TBXAS1: variants seen among roughly 807,000 people sequenced by gnomAD.
The protein encoded by TBXAS1 is thromboxane A synthase 1.
TBXAS1 carries 48 observed loss-of-function variants against 60.7 expected under a neutral mutation model. The ratio of observed to expected loss-of-function variants is 0.79; its 90% CI spans 0.63 to 1.01. TBXAS1 has a LOEUF of 1.01. Among genes scored for constraint, TBXAS1 ranks in the 50% least tolerant of loss-of-function variants. TBXAS1 has a pLI of 0.00. For synonymous variants in TBXAS1, 287 were observed against 269.7 expected, an observed-to-expected ratio of 1.06 and a Z score of -0.63; for missense variants, 685 against 686.3, an observed-to-expected ratio of 1.00 and a Z score of 0.02.
At chr7:139,910,219 G>A (rs980259446) in intron 3 of TBXAS1, among the ~76,000 whole-genome samples, 1 of 152,044 alleles carries the variant, frequency 6.6e-6, no homozygotes, top group Non-Finnish European at 1.5e-5. Context: ...ATTTGCTTTC[G>A]TGCCCCCAGT....
At position 140,004,461 on chromosome 7, in the gene TBXAS1, T is replaced by C. The variant is rs1038905048; in HGVS notation, c.1135-2630T>C. ...TGTAAATTTCAGAGCGTTTAACTTA[T>C]ATGCAGAACCACTGAAATTACACAA... On this transcript the variant is annotated intron_variant, in intron 9 of 12. Coordinates refer to ENST00000448866, the MANE Select transcript of TBXAS1 (RefSeq NM_001061.7). This position sits in a 1 kb window ranked among gnomAD's most constrained non-coding sequence, Gnocchi z 5.1. 6.6e-6 allele frequency among the ~76,000 whole-genome samples: 1 copy of C among 152,248 alleles called. No individual in the cohort carries two copies. Among genetic ancestry groups the C allele is most frequent in the African/African-American group, 2.4e-5 (1 of 41,470 alleles).
chr7:139,958,691 C>T (rs1008703874), intron 8 of TBXAS1, among the ~76,000 whole-genome samples: 3 of 152,216 alleles, frequency 2.0e-5, no homozygotes, highest in South Asian at 2.1e-4. Flanking sequence ...GGGCAGCAGC[C>T]GCGTCCTGTG....
intron 9 of TBXAS1, among the ~76,000 whole-genome samples, chr7:139,987,312 A>AG (rs1004218999): frequency 3.3e-5 from 5 of 152,180 alleles, no homozygotes; most frequent in Non-Finnish European, 7.4e-5. Flanking sequence ...CCAGAGCCCC[A>AG]GGGTCCCGGG....
intron 1 of TBXAS1, among the ~76,000 whole-genome samples, chr7:139,867,303 C>G (rs1218603031): frequency 6.6e-6 from 1 of 152,210 alleles, no homozygotes; most frequent in Non-Finnish European, 1.5e-5. Context: ...TTGGTAGTGA[C>G]AGTGAGGATG....
At chr7:139,908,583 A>T (rs186831469) in intron 3 of TBXAS1, among the ~76,000 whole-genome samples, 24 of 152,306 alleles carry the variant, frequency 1.6e-4, no homozygotes, top group Non-Finnish European at 3.2e-4. Flanking sequence ...ATATGTAGAA[A>T]TCTTACTTCC....
At position 139,813,074 on chromosome 7, in the gene TBXAS1, TAAATAAAA is replaced by T. The variant is rs1798058018; in HGVS notation, c.-79-16237_-79-16230del. 4.9e-5 allele frequency among the ~76,000 whole-genome samples: 7 copies of T among 142,952 alleles called. No homozygotes were observed. The South Asian group carries it at 1.6e-3, about 33-fold the overall frequency. 93.8% of individuals were successfully genotyped at this position (142,952 alleles called of 152,430 possible). ...TCGGTCTCAAATAAATAAAATAAAA[TAAATAAAA>T]TAAAATAAAATAAAATAAAATAAAA... On this transcript the variant is annotated intron_variant, in intron 4 of 16. Transcript: ENST00000336425.
At position 140,007,177 on chromosome 7, in the gene TBXAS1, T is replaced by A; in HGVS notation, c.1221T>A (p.Ala407=). 1.2e-6 allele frequency: 2 copies of A among 1,614,124 alleles called. No individual in the cohort carries two copies. Among genetic ancestry groups the A allele is most frequent in the Non-Finnish European group, 1.7e-6 (2 of 1,180,004 alleles). The part of the protein sequence containing the change: ...IAETLRMYPP[A]FRFTREAAQD... ...AGACGCTGAGGATGTACCCGCCAGC[T>A]TTCAGGTGTGTGGTAGCCCCCTCCC... The change falls in exon 10 of 13, where the codon GCT becomes GCA. Residue 407 remains alanine (A), a synonymous_variant. Transcript: ENST00000448866.
intron 3 of TBXAS1, among the ~76,000 whole-genome samples, chr7:139,901,640 G>T (rs1056229647): frequency 1.3e-5 from 2 of 152,028 alleles, no homozygotes; most frequent in East Asian, 3.9e-4. Context: ...CTGGGAGCTT[G>T]TTAAAATAGG....
At chr7:139,894,300 T>G (rs1803904275) in intron 3 of TBXAS1, among the ~76,000 whole-genome samples, 1 of 152,124 alleles carries the variant, frequency 6.6e-6, no homozygotes, top group African/African-American at 2.4e-5. Context: ...TAGGAAAGTG[T>G]GCAGAAGATG....
chr7:139,898,699 G>A lies in TBXAS1; in HGVS notation c.237-12526G>A, dbSNP rs376653104. Among the ~76,000 whole-genome samples, 6 of 152,228 alleles carry A rather than the reference G, an allele frequency of 3.9e-5. No homozygotes were observed. In the East Asian group the frequency reaches 1.2e-3, roughly 29 times the overall value. ...TGATGCCCCGTTGGGGCACTTCCTCGCTCAGCTTCCTCGTCCCTGACAAAG... is the reference window on the plus strand; with the variant it reads ...TGATGCCCCGTTGGGGCACTTCCTCACTCAGCTTCCTCGTCCCTGACAAAG... On this transcript the variant is annotated intron_variant, in intron 3 of 12. Transcript: ENST00000448866.
At chr7:139,863,922 A>G (rs2116738494) in intron 1 of TBXAS1, among the ~76,000 whole-genome samples, 1 of 152,314 alleles carries the variant, frequency 6.6e-6, no homozygotes, top group African/African-American at 2.4e-5. Flanking sequence ...AGAAGGAAAT[A>G]TCTTCAACCC....
chr7:139,905,805 T>C (rs945592562), intron 3 of TBXAS1, among the ~76,000 whole-genome samples: 2 of 152,200 alleles, frequency 1.3e-5, no homozygotes, highest in Admixed American at 1.3e-4. Context: ...TGTCTTTTCA[T>C]CTTCTTAACA....
At chr7:139,783,655 A>G (rs1797071692) in intron 3 of TBXAS1, among the ~76,000 whole-genome samples, 1 of 152,170 alleles carries the variant, frequency 6.6e-6, no homozygotes, top group Non-Finnish European at 1.5e-5. Flanking sequence ...AGCTCTTTTA[A>G]AAGCCTGCAG....
intron 4 of TBXAS1, among the ~76,000 whole-genome samples, chr7:139,810,691 C>G (rs1401415899): frequency 6.6e-6 from 1 of 152,150 alleles, no homozygotes; most frequent in Non-Finnish European, 1.5e-5. Context: ...ACTAAGAAGA[C>G]GTAGCAGTGC....
At chr7:139,859,293 G>A (rs761676657) in intron 1 of TBXAS1, among the ~76,000 whole-genome samples, 2 of 144,994 alleles carry the variant, frequency 1.4e-5, no homozygotes, top group East Asian at 2.1e-4. Flanking sequence ...TGCAAGCTCC[G>A]CCTCCCGGGT....
intron 3 of TBXAS1, among the ~76,000 whole-genome samples, chr7:139,889,186 G>A (rs1803354335): frequency 6.6e-6 from 1 of 151,900 alleles, no homozygotes; most frequent in South Asian, 2.1e-4. Flanking sequence ...ACCAAAATTA[G>A]CTGGGTGTGG....
In TBXAS1 at chr7:139,896,291, G is replaced by A. The variant is rs8192821; in HGVS notation, c.237-14934G>A. 6.0e-4 allele frequency among the ~76,000 whole-genome samples: 92 copies of A among 152,312 alleles called. 3 individuals are homozygous for A. In the East Asian group the frequency reaches 0.017, roughly 27 times the overall value. On this transcript the variant is annotated intron_variant, in intron 3 of 12. Coordinates refer to ENST00000448866, the MANE Select transcript of TBXAS1 (RefSeq NM_001061.7). The surrounding 1 kb of genome is among the most constrained non-coding windows in gnomAD (Gnocchi z 4.0). ...AAACTACAAGGAGCGAAGGGTCCAT[G>A]AAGCCTTCACAAAGAGGGGCAGGTG... is the stretch of plus-strand genomic sequence containing the variant.
intron 4 of TBXAS1, among the ~76,000 whole-genome samples, chr7:139,794,643 TC>T (rs1406728732): frequency 6.7e-6 from 1 of 149,740 alleles, no homozygotes; most frequent in Admixed American, 6.6e-5. Flanking sequence ...TAGGTATGTC[TC>T]CCAATGCTAT....
At chr7:139,905,005 C>T (rs4726448) in intron 3 of TBXAS1, among the ~76,000 whole-genome samples, 15,668 of 90,010 alleles carry the variant, frequency 0.17, 1,535 homozygotes, top group African/African-American at 0.28. Context: ...CTCTCTTTCT[C>T]TCTTTCTTTC....
Sources: allele counts gnomAD v4.1 joint callset (sites outside exome capture counted in the v4.1 genomes callset), GRCh38; gene constraint gnomAD v4.1.1; non-coding constraint Gnocchi (gnomAD v3.1); transcripts MANE v1.5; gene names NCBI Gene and HGNC (gene_info 2026-07-23, HGNC 2026-07-21).